DPP6: variants seen among roughly 807,000 people sequenced by gnomAD.
The protein encoded by DPP6 is A-type potassium channel modulatory protein DPP6.
A neutral mutation model predicts 122.6 loss-of-function variants in DPP6; 69 were observed. The observed-to-expected ratio is 0.56, with a 90% CI of 0.46 to 0.69. The LOEUF (loss-of-function observed/expected upper bound fraction) is 0.69, where lower values mean the gene tolerates loss of function less well. Ranked by LOEUF, DPP6 falls within the 30% of genes least tolerant of loss-of-function variation. DPP6 has a pLI of 0.00. For synonymous variants in DPP6, 418 were observed against 433.1 expected, an observed-to-expected ratio of 0.97 and a Z score of 0.43; for missense variants, 928 against 1,116.9, an observed-to-expected ratio of 0.83 and a Z score of 2.41.
At chr7:154,288,201 G>T (rs932889442) in intron 1 of DPP6, among the ~76,000 whole-genome samples, 4 of 152,328 alleles carry the variant, frequency 2.6e-5, no homozygotes, top group South Asian at 2.1e-4. Context: ...GTGCAGCCTG[G>T]CAGGGGAGCC....
the DPP6 span, among the ~76,000 whole-genome samples, chr7:153,771,033 A>G: frequency 1.3e-5 from 2 of 152,228 alleles, no homozygotes; most frequent in Non-Finnish European, 2.9e-5. Context: ...AGATTTGAGG[A>G]GAAGAAATGT....
At chr7:154,847,883 A>G (rs1802067843) in intron 16 of DPP6, among the ~76,000 whole-genome samples, 1 of 152,194 alleles carries the variant, frequency 6.6e-6, no homozygotes, top group Non-Finnish European at 1.5e-5. Flanking sequence ...CTACGAAATC[A>G]ACATTTTTAG....
chr7:154,560,512 A>G (rs2130472465), intron 4 of DPP6, among the ~76,000 whole-genome samples: 1 of 152,272 alleles, frequency 6.6e-6, no homozygotes, highest in East Asian at 1.9e-4. Context: ...AGGATTTTAT[A>G]TTTTGTTTAA....
intron 1 of DPP6, among the ~76,000 whole-genome samples, chr7:154,245,280 A>T (rs977810917): frequency 2.0e-5 from 3 of 151,948 alleles, no homozygotes; most frequent in African/African-American, 7.3e-5. Flanking sequence ...AAATACAGAG[A>T]CACAGATAGG....
chr7:154,349,144 T>G (rs1481843669), intron 1 of DPP6, among the ~76,000 whole-genome samples: 1 of 152,176 alleles, frequency 6.6e-6, no homozygotes, highest in Non-Finnish European at 1.5e-5. Flanking sequence ...TTTTAATAGT[T>G]AATTTTTGTT....
rs149272046 is a variant in DPP6 at position 154,003,424 on chromosome 7, C to T, written c.51+115690C>T. Among the ~76,000 whole-genome samples, 433 of 152,290 alleles carry T rather than the reference C, an allele frequency of 2.8e-3. 5 individuals are homozygous for T. Among genetic ancestry groups the T allele is most frequent in the East Asian group, 0.027 (140 of 5,174 alleles). The stretch of plus-strand genomic sequence containing the variant: ...AGTATTATATCAGTTTAGCCAGGCT[C>T]ACAATCAATAGTCATTTGATAAAAG... On this transcript the variant is annotated intron_variant, in intron 1 of 25. Coordinates refer to the DPP6 transcript ENST00000404039.
intron 1 of DPP6, among the ~76,000 whole-genome samples, chr7:154,394,101 T>C (rs939189428): frequency 2.6e-5 from 4 of 152,232 alleles, no homozygotes; most frequent in African/African-American, 7.2e-5. Context: ...TAATGCTGTA[T>C]ACCAGAAGTG....
intron 1 of DPP6, among the ~76,000 whole-genome samples, chr7:154,391,606 G>A (rs958497733): frequency 2.0e-5 from 3 of 152,164 alleles, no homozygotes; most frequent in Non-Finnish European, 1.5e-5. Flanking sequence ...CCTCCCCTGT[G>A]GTTCCTCTTC....
chr7:153,955,138 TAGATA>T (rs1802401411), intron 1 of DPP6, among the ~76,000 whole-genome samples: 1 of 152,158 alleles, frequency 6.6e-6, no homozygotes, highest in Admixed American at 6.5e-5. Context: ...AATGTTGTTA[TAGATA>T]AGATGGAGGA....
chr7:154,354,387 A>G (rs1160885903), intron 1 of DPP6, among the ~76,000 whole-genome samples: 3 of 152,160 alleles, frequency 2.0e-5, no homozygotes, highest in African/African-American at 4.8e-5. Context: ...TCTTTACCCT[A>G]TTTTATTGAT....
At chr7:153,852,215 C>T in the DPP6 span, among the ~76,000 whole-genome samples, 69 of 152,240 alleles carry the variant, frequency 4.5e-4, 1 homozygote, top group Admixed American at 1.0e-3. Flanking sequence ...TTCTCTCTTC[C>T]GGCAATCATG....
At chr7:154,286,963 C>T (rs752860309) in intron 1 of DPP6, among the ~76,000 whole-genome samples, 9 of 152,168 alleles carry the variant, frequency 5.9e-5, no homozygotes, top group Non-Finnish European at 8.8e-5. Context: ...CTACCATGCC[C>T]GGCTAATTTT....
chr7:153,789,513 GAAAT>G, the DPP6 span, among the ~76,000 whole-genome samples: 3 of 152,130 alleles, frequency 2.0e-5, no homozygotes, highest in African/African-American at 7.2e-5. Flanking sequence ...GGATTTATGA[GAAAT>G]AAGACAATCA....
At chr7:153,851,958 A>C in the DPP6 span, among the ~76,000 whole-genome samples, 2 of 152,130 alleles carry the variant, frequency 1.3e-5, no homozygotes, top group African/African-American at 4.8e-5. Flanking sequence ...TTTACTCTGC[A>C]TGATTTCTAT....
intron 3 of DPP6, 91 bp from the exon 4 acceptor site, chr7:154,540,440 AC>A: frequency 1.3e-6 from 1 of 788,616 alleles, no homozygotes; most frequent in South Asian, 1.5e-5. Context: ...TTTTTTCAGA[AC>A]TAGTGATTTT....
chr7:154,250,574 G>T (rs2150894689), intron 1 of DPP6, among the ~76,000 whole-genome samples: 1 of 152,298 alleles, frequency 6.6e-6, no homozygotes, highest in South Asian at 2.1e-4. Context: ...GTAGAAAAAT[G>T]GGTGTTTCTC....
chr7:154,327,985 C>T (rs75486193), intron 1 of DPP6, among the ~76,000 whole-genome samples: 3,742 of 152,202 alleles, frequency 0.025, 138 homozygotes, highest in African/African-American at 0.083. Context: ...ATGCTTTTAG[C>T]GGGAGTGCAT....
chr7:154,618,774 C>G lies in DPP6; in HGVS notation c.628-19047C>G, dbSNP rs1834438769. On this transcript the variant is annotated intron_variant, in intron 5 of 25. Transcript: ENST00000377770. This position sits in a 1 kb window ranked among gnomAD's most constrained non-coding sequence, Gnocchi z 4.1. The stretch of plus-strand genomic sequence containing the variant: ...ACTTCACTTACTCATGTAATCTCAG[C>G]ACTATTATCATCTGCATGTCACAGA... 6.6e-6 allele frequency among the ~76,000 whole-genome samples: 1 copy of G among 152,196 alleles called. No homozygotes were observed. Among genetic ancestry groups the G allele is most frequent in the Non-Finnish European group, 1.5e-5 (1 of 68,040 alleles).
intron 1 of DPP6, among the ~76,000 whole-genome samples, chr7:153,929,142 A>G (rs1251856278): frequency 6.6e-6 from 1 of 152,162 alleles, no homozygotes; most frequent in African/African-American, 2.4e-5. Context: ...TGTGTTGGGA[A>G]GAGACCACAG....
Sources: gnomAD v4.1 joint callset for allele counts (sites outside exome capture counted in the v4.1 genomes callset) on GRCh38, gnomAD v4.1.1 for gene constraint, Gnocchi (gnomAD v3.1) non-coding constraint, MANE v1.5 for transcripts, NCBI Gene and HGNC (gene_info 2026-07-23, HGNC 2026-07-21) for gene names.